ROCK1: variants seen among roughly 807,000 people sequenced by gnomAD.
ROCK1 encodes the protein rho-associated protein kinase 1.
In ROCK1, 36 loss-of-function variants were observed where a neutral mutation model predicts 196.8. The ratio of observed to expected loss-of-function variants is 0.18; its 90% confidence interval spans 0.14 to 0.24. The LOEUF is 0.24. Ranked by LOEUF, ROCK1 falls within the 10% of genes least tolerant of loss-of-function variation. ROCK1 has a pLI of 1.00. For missense variants in ROCK1, 920 were observed against 1,562.0 expected, an observed-to-expected ratio of 0.59 and a Z score of 6.93; for synonymous variants, 443 against 515.9, an observed-to-expected ratio of 0.86 and a Z score of 1.91.
At position 21,079,092 on chromosome 18, in the gene ROCK1, A is replaced by C. The variant is rs190401746; in HGVS notation, c.94-8479T>G. Among the ~76,000 whole-genome samples the C allele has an allele frequency of 2.2e-4, 34 of 152,196 alleles. No homozygotes were observed. The East Asian group carries it at 6.4e-3, about 29-fold the overall frequency. Reference sequence around the variant, plus strand: ...TGGTCTATCATGGACAGTTTGGAGTAATTGAGAGGTTTAGCTGTGGTCTTT... The same window carrying C: ...TGGTCTATCATGGACAGTTTGGAGTCATTGAGAGGTTTAGCTGTGGTCTTT... On this transcript the variant is annotated intron_variant, in intron 1 of 32. Coordinates refer to ENST00000399799, the MANE Select transcript of ROCK1 (RefSeq NM_005406.3).
intron 16 of ROCK1, among the ~76,000 whole-genome samples, chr18:21,005,454 G>C (rs1207771421): frequency 6.6e-6 from 1 of 152,200 alleles, no homozygotes; most frequent in African/African-American, 2.4e-5. Context: ...AATTAGGCAA[G>C]TTTTTAAATG....
intron 11 of ROCK1, among the ~76,000 whole-genome samples, chr18:21,022,523 T>C (rs765151417): frequency 1.7e-4 from 26 of 152,160 alleles, no homozygotes; most frequent in Non-Finnish European, 3.5e-4. Flanking sequence ...AGCCCTATGA[T>C]TTTAAGGTTG....
chr18:20,968,689 A>G, intron 25 of ROCK1, 83 bp downstream of exon 25: 4 of 796,398 alleles, frequency 5.0e-6, no homozygotes, highest in Non-Finnish European at 8.7e-6. Context: ...GAACCTTATA[A>G]GCCTTGGTTT....
chr18:21,004,266 T>C (rs1034793364), intron 16 of ROCK1, among the ~76,000 whole-genome samples: 4 of 152,180 alleles, frequency 2.6e-5, no homozygotes, highest in Non-Finnish European at 4.4e-5. Flanking sequence ...ATGGAGGACA[T>C]TCAATTAATG....
intron 13 of ROCK1, among the ~76,000 whole-genome samples, chr18:21,010,790 C>A (rs1414507207): frequency 2.0e-5 from 3 of 152,188 alleles, no homozygotes; most frequent in African/African-American, 7.2e-5. Context: ...AAGTCTCCAA[C>A]AATAATTATG....
At position 20,991,316 on chromosome 18, in the gene ROCK1, T is replaced by A; in HGVS notation, c.2003A>T (p.Asn668Ile). The A allele has an allele frequency of 6.3e-7, 1 of 1,593,800 alleles. No individual in the cohort carries two copies. The highest frequency in any genetic ancestry group is 8.6e-7 in the Non-Finnish European group (1 of 1,166,888). ...TTTGTAGTTTAAATCTATCTCTAAA[T>A]TATTCTTTTCCTGTAAAATGGGAGT... is the stretch of plus-strand genomic sequence containing the variant. ...MLNHSEKEKN[N>I]LEIDLNYKLK... The change falls in exon 18 of 33, where the codon AAT (asparagine) becomes ATT (isoleucine). Residue 668 changes from asparagine to isoleucine, a missense_variant. Coordinates refer to ENST00000399799, the MANE Select transcript of ROCK1 (RefSeq NM_005406.3).
In ROCK1 at chr18:21,111,647, G is replaced by A. The variant is rs898532585; in HGVS notation, c.-737C>T. The A allele has an allele frequency of 6.8e-4, 105 of 153,916 alleles. No homozygotes were observed. The highest frequency in any genetic ancestry group is 2.3e-3 in the African/African-American group (97 of 41,612). 9.5% of individuals were successfully genotyped at this position (153,916 alleles called of 1,614,324 possible). On this transcript the variant is annotated 5_prime_UTR_variant, in exon 1 of 33. Coordinates refer to ENST00000399799, the MANE Select transcript of ROCK1 (RefSeq NM_005406.3). The surrounding 1 kb of genome is among the most constrained non-coding windows in gnomAD (Gnocchi z 4.2). ...GCGGGCGAAGAGGAAGACGATAGTT[G>A]GGTCCCGGCGGCTGCTGATGGGGGA...
chr18:21,092,207 A>C (rs572148640), intron 1 of ROCK1, among the ~76,000 whole-genome samples: 1 of 152,200 alleles, frequency 6.6e-6, no homozygotes, highest in Non-Finnish European at 1.5e-5. Flanking sequence ...GGAGAGTTAC[A>C]ATGATGATTA....
chr18:21,086,299 A>T (rs1162434518), intron 1 of ROCK1, among the ~76,000 whole-genome samples: 3 of 151,984 alleles, frequency 2.0e-5, no homozygotes, highest in African/African-American at 7.3e-5. Flanking sequence ...TTTAGTAGAG[A>T]CAGGATTTCA....
intron 6 of ROCK1, 43 bp from the exon 7 acceptor site, chr18:21,042,752 T>A (rs764928974): frequency 2.6e-6 from 4 of 1,552,582 alleles, no homozygotes; most frequent in Non-Finnish European, 3.5e-6. Context: ...GGATATAAAG[T>A]CTCAATTATT....
At chr18:21,006,676 G>A in intron 15 of ROCK1, 23 bp downstream of exon 15, 1 of 1,582,526 alleles carries the variant, frequency 6.3e-7, no homozygotes, top group Non-Finnish European at 8.5e-7. Flanking sequence ...TTTTTAAAAA[G>A]GAACCTCATT....
chr18:21,065,839 TCA>T (rs1181871436), intron 2 of ROCK1, among the ~76,000 whole-genome samples: 1 of 152,160 alleles, frequency 6.6e-6, no homozygotes, highest in African/African-American at 2.4e-5. Context: ...AGTCAAATGT[TCA>T]CAGATTCTCC....
intron 1 of ROCK1, among the ~76,000 whole-genome samples, chr18:21,074,611 C>T (rs2036413778): frequency 6.6e-6 from 1 of 152,174 alleles, no homozygotes; most frequent in Non-Finnish European, 1.5e-5. Flanking sequence ...CTTTGTGCTG[C>T]CTTCCCCAGT....
At chr18:21,054,531 C>T (rs1259214004) in intron 2 of ROCK1, among the ~76,000 whole-genome samples, 3 of 151,942 alleles carry the variant, frequency 2.0e-5, no homozygotes, top group Non-Finnish European at 2.9e-5. Flanking sequence ...AGTGGGAGAT[C>T]CCCCACATCC....
At position 20,953,861 on chromosome 18, in the gene ROCK1, T is replaced by TGAAA. The variant is rs574124170; in HGVS notation, c.3854-77_3854-76insTTTC. On this transcript the variant is annotated intron_variant, in intron 31 of 32. Coordinates refer to ENST00000399799, the MANE Select transcript of ROCK1 (RefSeq NM_005406.3). ...AAATCCAACCTATCAAATGCATAGT[T>TGAAA]TTTCAAGTTCTTAAGGTTTTAAAAG... The TGAAA allele has an allele frequency of 3.0e-3, 1,912 of 628,144 alleles. 8 individuals are homozygous for TGAAA. Among genetic ancestry groups the TGAAA allele is most frequent in the Non-Finnish European group, 2.9e-3 (1,114 of 379,010 alleles). 38.9% of individuals were successfully genotyped at this position (628,144 alleles called of 1,614,324 possible).
chr18:21,042,494 T>C, intron 7 of ROCK1, 71 bp downstream of exon 7: 2 of 1,438,290 alleles, frequency 1.4e-6, no homozygotes, highest in Non-Finnish European at 1.9e-6. Context: ...ATAAATATAT[T>C]AGAAAGAGCC....
intron 27 of ROCK1, among the ~76,000 whole-genome samples, chr18:20,964,041 C>T (rs1225854144): frequency 6.6e-6 from 1 of 151,716 alleles, no homozygotes; most frequent in Non-Finnish European, 1.5e-5. Flanking sequence ...TCTAGATGTG[C>T]AAGATAATTA....
chr18:20,972,330 G>A (rs2035437064), intron 22 of ROCK1, among the ~76,000 whole-genome samples: 3 of 152,266 alleles, frequency 2.0e-5, no homozygotes, highest in African/African-American at 4.8e-5. Context: ...GGAGCAGTTC[G>A]CAAGGTCAGG....
intron 1 of ROCK1, among the ~76,000 whole-genome samples, chr18:21,086,216 A>G (rs1239755596): frequency 2.7e-5 from 4 of 150,098 alleles, no homozygotes. Flanking sequence ...GGTTCAAGCT[A>G]TTCTCCTGCC....
Sources: allele counts gnomAD v4.1 joint callset (sites outside exome capture counted in the v4.1 genomes callset), GRCh38; gene constraint gnomAD v4.1.1; non-coding constraint Gnocchi (gnomAD v3.1); transcripts MANE v1.5; gene names NCBI Gene and HGNC (gene_info 2026-07-23, HGNC 2026-07-21).